PPARGC1A: variants seen among roughly 807,000 people sequenced by gnomAD.
The protein encoded by PPARGC1A is peroxisome proliferator-activated receptor gamma coactivator 1-alpha.
In PPARGC1A, 25 loss-of-function variants were observed where a neutral mutation model predicts 88.7. The observed-to-expected ratio is 0.28, with a 90% CI of 0.21 to 0.39. The LOEUF is 0.39. Among genes scored for constraint, PPARGC1A ranks in the 10% least tolerant of loss-of-function variants. The probability of loss-of-function intolerance (pLI) is 1.00; values close to 1 mark genes in which losing one functional copy is unlikely to be tolerated. For synonymous variants in PPARGC1A, 363 were observed against 355.6 expected, an observed-to-expected ratio of 1.02 and a Z score of -0.24; for missense variants, 880 against 968.7, an observed-to-expected ratio of 0.91 and a Z score of 1.22.
chr4:24,300,121 C>T, the PPARGC1A span, among the ~76,000 whole-genome samples: 1 of 152,070 alleles, frequency 6.6e-6, no homozygotes, highest in Non-Finnish European at 1.5e-5. Context: ...AGGACTCTGG[C>T]TTTCCTGCCT....
At chr4:24,294,985 T>C in the PPARGC1A span, among the ~76,000 whole-genome samples, 94,098 of 151,954 alleles carry the variant, frequency 0.62, 29,388 homozygotes, top group Middle Eastern at 0.68. Context: ...GGGGGACTAG[T>C]AGGGAGGCGG....
chr4:23,945,624 G>A, the PPARGC1A span, among the ~76,000 whole-genome samples: 1 of 152,148 alleles, frequency 6.6e-6, no homozygotes, highest in Admixed American at 6.5e-5. Context: ...AAGCGGGGAG[G>A]GTGATCTTAG....
At chr4:24,453,647 G>A in the PPARGC1A span, among the ~76,000 whole-genome samples, 143 of 152,262 alleles carry the variant, frequency 9.4e-4, no homozygotes, top group Non-Finnish European at 1.2e-3. Flanking sequence ...GGGCGTGGTG[G>A]CACATGCCTG....
chr4:24,030,372 A>G, the PPARGC1A span, among the ~76,000 whole-genome samples: 1 of 152,346 alleles, frequency 6.6e-6, no homozygotes, highest in East Asian at 1.9e-4. Flanking sequence ...CGTCATTTAT[A>G]ATGGCTGATG....
At chr4:24,046,488 A>G in the PPARGC1A span, among the ~76,000 whole-genome samples, 18 of 152,106 alleles carry the variant, frequency 1.2e-4, no homozygotes, top group Non-Finnish European at 2.2e-4. Flanking sequence ...GTTAACTTGA[A>G]TTTGGGGACC....
chr4:23,849,817 T>C (rs974554634), intron 2 of PPARGC1A, among the ~76,000 whole-genome samples: 3 of 151,934 alleles, frequency 2.0e-5, no homozygotes, highest in African/African-American at 7.3e-5. Flanking sequence ...ATTTTTTTTT[T>C]TTTTTGGAGG....
chr4:23,932,981 A>G, the PPARGC1A span, among the ~76,000 whole-genome samples: 1 of 152,226 alleles, frequency 6.6e-6, no homozygotes, highest in Non-Finnish European at 1.5e-5. Context: ...CCAGTTGGGC[A>G]GAGTTTTCCC....
the PPARGC1A span, among the ~76,000 whole-genome samples, chr4:24,268,284 G>T: frequency 6.6e-6 from 1 of 152,192 alleles, no homozygotes; most frequent in African/African-American, 2.4e-5. Flanking sequence ...CTATGGCTCA[G>T]ACAGAATCCA....
At chr4:23,893,518 C>G (rs1391484336), upstream of PPARGC1A, among the ~76,000 whole-genome samples, 2 of 152,004 alleles carry the variant, frequency 1.3e-5, no homozygotes, top group African/African-American at 4.8e-5. Context: ...AAAAAACTAC[C>G]AGACTGCTGC....
At chr4:23,968,208 T>C in the PPARGC1A span, among the ~76,000 whole-genome samples, 2 of 152,182 alleles carry the variant, frequency 1.3e-5, no homozygotes, top group African/African-American at 2.4e-5. Context: ...TCCACATCTG[T>C]AAAATGGGAA....
chr4:23,887,170 T>C (rs1243119355), intron 1 of PPARGC1A, among the ~76,000 whole-genome samples: 1 of 152,198 alleles, frequency 6.6e-6, no homozygotes, highest in Non-Finnish European at 1.5e-5. Flanking sequence ...CATTTACATA[T>C]TCCTTTCCTT....
chr4:24,310,485 G>C, the PPARGC1A span, among the ~76,000 whole-genome samples: 2 of 152,170 alleles, frequency 1.3e-5, no homozygotes, highest in African/African-American at 4.8e-5. Flanking sequence ...GATTTAAGAA[G>C]AGAGAGAGAA....
the PPARGC1A span, among the ~76,000 whole-genome samples, chr4:24,288,371 C>T: frequency 1.3e-5 from 2 of 152,160 alleles, no homozygotes; most frequent in Non-Finnish European, 2.9e-5. Flanking sequence ...GTCTTTTTAT[C>T]AGCCTAACCC....
the PPARGC1A span, among the ~76,000 whole-genome samples, chr4:24,258,995 G>A: frequency 6.0e-4 from 92 of 152,224 alleles, no homozygotes; most frequent in East Asian, 9.3e-3. Flanking sequence ...CCTATGGTTC[G>A]ATAATTTTAT....
At chr4:24,279,710 G>A in the PPARGC1A span, among the ~76,000 whole-genome samples, 25 of 152,116 alleles carry the variant, frequency 1.6e-4, no homozygotes, top group Non-Finnish European at 2.8e-4. Flanking sequence ...AACTTCCTCC[G>A]CAGTCCCCCT....
At chr4:24,204,966 C>T in the PPARGC1A span, among the ~76,000 whole-genome samples, 2 of 152,112 alleles carry the variant, frequency 1.3e-5, no homozygotes, top group South Asian at 2.1e-4. Context: ...AGGATACAAG[C>T]ACCCGCCACC....
the PPARGC1A span, among the ~76,000 whole-genome samples, chr4:24,364,491 C>T: frequency 3.2e-3 from 482 of 152,300 alleles, 1 homozygote; most frequent in Non-Finnish European, 5.1e-3. Flanking sequence ...AGGTCTTGCA[C>T]TTCTCCTCGC....
chr4:24,128,565 TGTGTGTGTGTGTGTGC>T, the PPARGC1A span, among the ~76,000 whole-genome samples: 3 of 150,250 alleles, frequency 2.0e-5, no homozygotes, highest in African/African-American at 7.4e-5. Context: ...TGTGTGTGTG[TGTGTGTGTGTGTGTGC>T]ACGCGCATCT....
At chr4:23,913,318 T>G in the PPARGC1A span, among the ~76,000 whole-genome samples, 1 of 144,758 alleles carries the variant, frequency 6.9e-6, no homozygotes. Context: ...AAAGAGAAAA[T>G]CTGTTTCTCT....
Sources: gnomAD v4.1 joint callset for allele counts (sites outside exome capture counted in the v4.1 genomes callset) on GRCh38, gnomAD v4.1.1 for gene constraint, MANE v1.5 for transcripts, NCBI Gene and HGNC (gene_info 2026-07-23, HGNC 2026-07-21) for gene names.